EVC2: variants seen among roughly 807,000 people sequenced by gnomAD.
The protein encoded by EVC2 is EvC ciliary complex subunit 2, also known as limbin.
A neutral mutation model predicts 149.3 loss-of-function variants in EVC2; 148 were observed. The observed-to-expected ratio is 0.99, with a 90% CI of 0.87 to 1.14. The LOEUF (loss-of-function observed/expected upper bound fraction) is 1.14, where lower values mean the gene tolerates loss of function less well. EVC2 is among the 50% of genes most tolerant of loss of function. The pLI is 0.00. For missense variants in EVC2, 1,854 were observed against 1,627.3 expected (o/e 1.14, Z -2.40); for synonymous variants, 776 against 649.9 (o/e 1.19, Z -2.95).
intron 16 of EVC2, among the ~76,000 whole-genome samples, chr4:5,599,164 G>A (rs1159239940): frequency 9.9e-5 from 15 of 151,662 alleles, no homozygotes; most frequent in Admixed American, 7.9e-4. Flanking sequence ...TCAGTGTGGC[G>A]ATTCCTCAGG....
chr4:5,609,433 A>C (rs1714651469), intron 16 of EVC2, among the ~76,000 whole-genome samples: 1 of 152,218 alleles, frequency 6.6e-6, no homozygotes, highest in South Asian at 2.1e-4. Flanking sequence ...TGTCAACTCA[A>C]GAGTGTCTAT....
At chr4:5,579,179 G>T (rs947410431) in intron 17 of EVC2, among the ~76,000 whole-genome samples, 3 of 152,084 alleles carry the variant, frequency 2.0e-5, no homozygotes, top group Non-Finnish European at 4.4e-5. Context: ...ACTAGAGTAG[G>T]GAGAAAGGGA....
intron 1 of EVC2, among the ~76,000 whole-genome samples, chr4:5,705,723 G>C (rs1401597255): frequency 6.6e-6 from 1 of 151,984 alleles, no homozygotes; most frequent in Non-Finnish European, 1.5e-5. Flanking sequence ...TGTCACCTTG[G>C]AAAACCCCAT....
At chr4:5,652,216 G>C (rs560006417) in intron 9 of EVC2, among the ~76,000 whole-genome samples, 1 of 152,346 alleles carries the variant, frequency 6.6e-6, no homozygotes, top group African/African-American at 2.4e-5. Context: ...TGATGAGGTG[G>C]TAAGAGGTGG....
rs781364831 is a variant in EVC2, at chr4:5,691,268, T to G, written c.516A>C (p.Ala172=). Residue 172 remains alanine (A), a synonymous_variant, in exon 4 of 22, where the codon GCA becomes GCC. Coordinates refer to ENST00000344408, the MANE Select transcript of EVC2 (RefSeq NM_147127.5). Reference sequence around the variant, plus strand: ...TACACCACCAGTGGAAACTTACCAGTGCACATTTCTGAAAAATTACTCCAT... The same window carrying G: ...TACACCACCAGTGGAAACTTACCAGGGCACATTTCTGAAAAATTACTCCAT... ...SENGVIFQKC[A]LVSGSSEAQT... 2 of 1,613,218 alleles carry G rather than the reference T, an allele frequency of 1.2e-6. No homozygotes were observed. Among genetic ancestry groups the G allele is most frequent in the Non-Finnish European group, 1.7e-6 (2 of 1,179,396 alleles).
chr4:5,650,931 CATT>C (rs1406468961), intron 9 of EVC2, among the ~76,000 whole-genome samples: 13 of 152,152 alleles, frequency 8.5e-5, no homozygotes, highest in Admixed American at 5.9e-4. Flanking sequence ...TGTGACTTCT[CATT>C]GTTGTTGCTG....
intron 19 of EVC2, 104 bp downstream of exon 19, chr4:5,574,581 G>T: frequency 8.4e-7 from 1 of 1,184,274 alleles, no homozygotes; most frequent in Non-Finnish European, 1.3e-6. Context: ...TCCAAGGCTG[G>T]CTTTTCATCA....
chr4:5,562,644 G>A lies in EVC2; in HGVS notation c.*204C>T. 6.9e-7 allele frequency: 1 copy of A among 1,442,856 alleles called. No individual in the cohort carries two copies. Among genetic ancestry groups the A allele is most frequent in the Non-Finnish European group, 9.1e-7 (1 of 1,104,048 alleles). 89.4% of individuals were successfully genotyped at this position (1,442,856 alleles called of 1,614,324 possible). ...AAAGAAGGAGTGTTTATGTCCTTGT[G>A]ATATGGAAGAGAGTGGGCCATCTGG... On this transcript the variant is annotated 3_prime_UTR_variant, in exon 22 of 22. Transcript: ENST00000344408. This position sits in a 1 kb window ranked among gnomAD's most constrained non-coding sequence, Gnocchi z 4.3.
At position 5,625,833 on chromosome 4, in the gene EVC2, C is replaced by T. The variant is rs774304461; in HGVS notation, c.1962G>A (p.Gln654=). ...CCTGCTTTAAGTCATTGTCCAACTT[C>T]TGCTTGATTGAAAAGACTTCTGTCT... ...RAQTEVFSIK[Q]KLDNDLKQEK... is the part of the protein sequence containing the mutation. Residue 654 remains glutamine (Q), a synonymous_variant, in exon 13 of 22, where the codon CAG becomes CAA. Transcript: ENST00000344408. This position sits in a 1 kb window ranked among gnomAD's most constrained non-coding sequence, Gnocchi z 4.0. 3 of 1,614,048 alleles carry T rather than the reference C, an allele frequency of 1.9e-6. No individual in the cohort carries two copies. The highest frequency in any genetic ancestry group is 2.5e-6 in the Non-Finnish European group (3 of 1,179,994).
At chr4:5,698,729 A>G (rs1721641786) in intron 1 of EVC2, among the ~76,000 whole-genome samples, 1 of 152,256 alleles carries the variant, frequency 6.6e-6, no homozygotes, top group African/African-American at 2.4e-5. Flanking sequence ...CCCAGTCTAC[A>G]GTAATGAGAT....
rs1468812643 is a variant in EVC2, at chr4:5,625,651, C to T, written c.2046+98G>A. 2 of 1,518,142 alleles carry T rather than the reference C, an allele frequency of 1.3e-6. No individual in the cohort carries two copies. The highest frequency in any genetic ancestry group is 1.7e-5 in the Admixed American group (1 of 57,514). The allele number at this position is 1,518,142 out of a possible 1,614,324, so 94.0% of individuals were successfully genotyped here. ...GTGCCTGCCCAGCTGCCCTTCTGAT[C>T]CTAGTTCACCAATGGCAATGTCTGG... On this transcript the variant is annotated intron_variant, in intron 13 of 21. Coordinates refer to ENST00000344408, the MANE Select transcript of EVC2 (RefSeq NM_147127.5). This position sits in a 1 kb window ranked among gnomAD's most constrained non-coding sequence, Gnocchi z 4.0.
chr4:5,568,485 C>G lies in EVC2; in HGVS notation c.3516G>C (p.Glu1172Asp), dbSNP rs755260649. The part of the protein sequence containing the change: ...ATERHVDHAA[E>D]SDGGAEQADV... The stretch of plus-strand genomic sequence containing the variant: ...CGGCCTGCTCCGCTCCGCCATCGCT[C>G]TCAGCTGCGTGGTCCACATGTCTCT... The change falls in exon 20 of 22, where the codon GAG (glutamate) becomes GAC (aspartate). Residue 1172 changes from glutamate (E) to aspartate (D), a missense_variant. Glu to Asp is a conservative substitution (Grantham distance 45). Transcript: ENST00000344408. The G allele has an allele frequency of 1.9e-6, 3 of 1,582,198 alleles. No individual in the cohort carries two copies. Among genetic ancestry groups the G allele is most frequent in the Non-Finnish European group, 2.6e-6 (3 of 1,171,166 alleles).
At chr4:5,529,821 T>G in the EVC2 span, among the ~76,000 whole-genome samples, 3 of 151,070 alleles carry the variant, frequency 2.0e-5, no homozygotes, top group African/African-American at 7.3e-5. This position sits in a 1 kb window ranked among gnomAD's most constrained non-coding sequence, Gnocchi z 4.5. Context: ...TTAGGTTTTT[T>G]TTTTTTTTTT....
chr4:5,598,688 G>C lies in EVC2; in HGVS notation c.2830-13838C>G, dbSNP rs1577139353. Among the ~76,000 whole-genome samples, 3 of 152,178 alleles carry C rather than the reference G, an allele frequency of 2.0e-5. No homozygotes were observed. In the East Asian group the frequency reaches 5.8e-4, roughly 29 times the overall value. On this transcript the variant is annotated intron_variant, in intron 16 of 21. Transcript: ENST00000344408. ...GGACTTCATGTCTAAAACACCAAAA[G>C]CAATGGCAACAAAAGCCAAAATTGA...
At chr4:5,666,585 G>A (rs750540764) in intron 7 of EVC2, among the ~76,000 whole-genome samples, 71 of 152,068 alleles carry the variant, frequency 4.7e-4, no homozygotes, top group Non-Finnish European at 8.8e-5. Context: ...ATCTGTTACA[G>A]AGAGTCAAAT....
intron 16 of EVC2, among the ~76,000 whole-genome samples, chr4:5,591,601 G>T (rs1366274391): frequency 1.3e-5 from 2 of 152,186 alleles, no homozygotes; most frequent in African/African-American, 4.8e-5. Flanking sequence ...TGTGGGTGAA[G>T]TGTAAAGCCT....
chr4:5,645,934 T>C lies in EVC2; in HGVS notation c.1146-5096A>G, dbSNP rs574456179. Among the ~76,000 whole-genome samples the C allele has an allele frequency of 3.8e-4, 58 of 152,320 alleles. 1 individual carries two copies. The highest frequency in any genetic ancestry group is 6.8e-3 in the Middle Eastern group (2 of 294). ...ACCTCACCAACACCTGTTTATTTTT[T>C]TATTTTTTCAGACAGAATCTCGCTC... On this transcript the variant is annotated intron_variant, in intron 9 of 21. Coordinates refer to ENST00000344408, the MANE Select transcript of EVC2 (RefSeq NM_147127.5).
Position 5,622,395 on chromosome 4 carries a change from T to A in EVC2, c.2501+142A>T. 1 of 997,786 alleles carries A rather than the reference T, an allele frequency of 1.0e-6. No individual in the cohort carries two copies. The highest frequency in any genetic ancestry group is 1.5e-6 in the Non-Finnish European group (1 of 650,854). The allele number at this position is 997,786 out of a possible 1,614,324, so 61.8% of individuals were successfully genotyped here. ...AGGTCCTCCCCCCGGGGCGTTGAGT[T>A]TATATGACTAATTAACGCTGGTAAT... On this transcript the variant is annotated intron_variant, in intron 14 of 21. Coordinates refer to ENST00000344408, the MANE Select transcript of EVC2 (RefSeq NM_147127.5). This position sits in a 1 kb window ranked among gnomAD's most constrained non-coding sequence, Gnocchi z 5.8.
chr4:5,540,409 G>A (rs1280410040), downstream of EVC2, among the ~76,000 whole-genome samples: 1 of 152,198 alleles, frequency 6.6e-6, no homozygotes, highest in Non-Finnish European at 1.5e-5. Context: ...TGTAATGGCT[G>A]CAACCTAGAC....
Sources: allele counts gnomAD v4.1 joint callset (sites outside exome capture counted in the v4.1 genomes callset), GRCh38; gene constraint gnomAD v4.1.1; non-coding constraint Gnocchi (gnomAD v3.1); transcripts MANE v1.5; gene names NCBI Gene and HGNC (gene_info 2026-07-23, HGNC 2026-07-21).